The following CPM variants were observed in gnomAD, a reference collection of about 807,000 sequenced individuals.
CPM encodes the protein carboxypeptidase M.
CPM carries 35 observed loss-of-function variants against 46.4 expected under a neutral mutation model. The observed-to-expected ratio is 0.75, with a 90% CI of 0.58 to 1.00. CPM has a LOEUF of 1.00. CPM is among the 50% of genes least tolerant of loss of function. The probability of loss-of-function intolerance (pLI) is 0.00; values close to 1 mark genes in which losing one functional copy is unlikely to be tolerated. For synonymous variants in CPM, 195 were observed against 195.3 expected (o/e 1.00, Z 0.01); for missense variants, 422 against 530.4 (o/e 0.80, Z 2.01).
intron 1 of CPM, among the ~76,000 whole-genome samples, chr12:68,960,234 T>C (rs558094844): frequency 6.6e-6 from 1 of 152,368 alleles, no homozygotes; most frequent in South Asian, 2.1e-4. Flanking sequence ...CTCTTGATTC[T>C]TCTTTCTTCA....
rs1340397912 is a variant in CPM, at chr12:68,852,347, T to A, written c.*4090A>T. On this transcript the variant is annotated 3_prime_UTR_variant, in exon 9 of 9. Coordinates refer to ENST00000551568, the MANE Select transcript of CPM (RefSeq NM_198320.5). ...AGTAGGTATACTCTTTAAGAAGGTA[T>A]ATTATACTGCCTTCAAAATACTTAT... 1 of 152,190 alleles carries A rather than the reference T, an allele frequency of 6.6e-6. No individual in the cohort carries two copies. Among genetic ancestry groups the A allele is most frequent in the Non-Finnish European group, 1.5e-5 (1 of 68,040 alleles). 9.4% of individuals were successfully genotyped at this position (152,190 alleles called of 1,614,324 possible). A position where few individuals can be genotyped will look rare whatever the true frequency, so the allele number is the denominator to read the frequency against.
intron 2 of CPM, among the ~76,000 whole-genome samples, chr12:68,915,784 A>C (rs1403490619): frequency 1.3e-5 from 2 of 152,242 alleles, no homozygotes; most frequent in Non-Finnish European, 1.5e-5. Flanking sequence ...ATAAATCGCT[A>C]AAAGACACAT....
chr12:68,915,120 T>C (rs1887752881), intron 2 of CPM, among the ~76,000 whole-genome samples: 1 of 152,180 alleles, frequency 6.6e-6, no homozygotes, highest in Admixed American at 6.5e-5. Context: ...GGAAACATAG[T>C]TCCCATGGGG....
intron 7 of CPM, among the ~76,000 whole-genome samples, chr12:68,864,299 CG>C (rs1199010773): frequency 6.6e-6 from 1 of 152,016 alleles, no homozygotes; most frequent in African/African-American, 2.4e-5. Context: ...CAAAATTAGC[CG>C]GGCATGATGG....
intron 7 of CPM, among the ~76,000 whole-genome samples, chr12:68,864,330 C>A (rs1885338924): frequency 6.6e-6 from 1 of 152,108 alleles, no homozygotes; most frequent in South Asian, 2.1e-4. Context: ...GTAATTCCAG[C>A]AAATTGGGAG....
chr12:68,844,437 C>T, intron 5 of CPM: 1 of 228,274 alleles, frequency 4.4e-6, no homozygotes. Context: ...TCCCTGTCTT[C>T]TCTTAGGTCA....
intron 2 of CPM, among the ~76,000 whole-genome samples, chr12:68,892,920 A>T (rs1886715229): frequency 6.6e-6 from 1 of 152,054 alleles, no homozygotes; most frequent in Non-Finnish European, 1.5e-5. Context: ...CAACAATGAG[A>T]ACACATGGAC....
chr12:68,931,191 C>T (rs1888484138), intron 2 of CPM, among the ~76,000 whole-genome samples: 1 of 152,164 alleles, frequency 6.6e-6, no homozygotes, highest in South Asian at 2.1e-4. Context: ...TCGCATTGCA[C>T]ATAAATACAT....
intron 2 of CPM, among the ~76,000 whole-genome samples, chr12:68,915,997 G>C (rs1293669053): frequency 6.6e-6 from 1 of 152,202 alleles, no homozygotes; most frequent in Non-Finnish European, 1.5e-5. Context: ...ATCAGTAGTG[G>C]CATTGCTTTC....
At chr12:68,886,318 G>GAA (rs34578324) in intron 2 of CPM, among the ~76,000 whole-genome samples, 1 of 80,330 alleles carries the variant, frequency 1.2e-5, no homozygotes, top group East Asian at 3.2e-4. Flanking sequence ...TACAAGGAAA[G>GAA]AAAAAAAAAC....
At chr12:68,928,331 A>T (rs1206320939) in intron 2 of CPM, among the ~76,000 whole-genome samples, 1 of 152,242 alleles carries the variant, frequency 6.6e-6, no homozygotes, top group African/African-American at 2.4e-5. Flanking sequence ...TAGAAAGCTG[A>T]AACTGGATCC....
intron 2 of CPM, among the ~76,000 whole-genome samples, chr12:68,903,144 C>A (rs1887185125): frequency 6.6e-6 from 1 of 152,220 alleles, no homozygotes; most frequent in African/African-American, 2.4e-5. Flanking sequence ...AGTAGGCCTA[C>A]ATGCTCACAA....
At chr12:68,875,698 C>T (rs370015417) in intron 3 of CPM, among the ~76,000 whole-genome samples, 23 of 149,662 alleles carry the variant, frequency 1.5e-4, no homozygotes, top group South Asian at 8.5e-4. Context: ...CCCAGCTACT[C>T]GGGAGGCTGA....
rs186447431 is a variant in CPM at position 68,902,776 on chromosome 12, G to A, written c.161-16887C>T. ...AGCCTGGGCTTTGAACTGTGTTTTC[G>A]TTTGTTTTACTCTAAGGTTAATGTT... On this transcript the variant is annotated intron_variant, in intron 2 of 8. Transcript: ENST00000551568. 2.1e-3 allele frequency among the ~76,000 whole-genome samples: 326 copies of A among 152,242 alleles called. 11 individuals carry two copies. Among genetic ancestry groups the A allele is most frequent in the Admixed American group, 0.02 (299 of 15,294 alleles).
chr12:68,961,677 G>A (rs867008046), intron 1 of CPM, among the ~76,000 whole-genome samples: 6 of 152,056 alleles, frequency 3.9e-5, no homozygotes, highest in African/African-American at 9.7e-5. Flanking sequence ...ACTTTGGGAG[G>A]CAGAGGCAGG....
At chr12:68,909,133 C>T (rs1483515649) in intron 2 of CPM, among the ~76,000 whole-genome samples, 1 of 152,122 alleles carries the variant, frequency 6.6e-6, no homozygotes, top group Non-Finnish European at 1.5e-5. Flanking sequence ...GGACCATGGC[C>T]CTGGGTTCAA....
chr12:68,856,096 G>A lies in CPM; in HGVS notation c.*341C>T, dbSNP rs772460467. ...TCATCTTCATTGCTTATATTCATCCGGTTCTCTGTATACAAAATGATCTTC... is the reference window on the plus strand; with the variant it reads ...TCATCTTCATTGCTTATATTCATCCAGTTCTCTGTATACAAAATGATCTTC... On this transcript the variant is annotated 3_prime_UTR_variant, in exon 9 of 9. Coordinates refer to ENST00000551568, the MANE Select transcript of CPM (RefSeq NM_198320.5). The A allele has an allele frequency of 6.5e-5, 16 of 247,016 alleles. No individual in the cohort carries two copies. Among genetic ancestry groups the A allele is most frequent in the African/African-American group, 2.0e-4 (9 of 45,114 alleles). 15.3% of individuals were successfully genotyped at this position (247,016 alleles called of 1,614,324 possible).
chr12:68,954,104 A>G (rs981939967), intron 1 of CPM, among the ~76,000 whole-genome samples: 1 of 152,208 alleles, frequency 6.6e-6, no homozygotes, highest in Non-Finnish European at 1.5e-5. Flanking sequence ...GAGCTCCTTC[A>G]TGGCATTTCA....
intron 2 of CPM, among the ~76,000 whole-genome samples, chr12:68,928,427 G>C (rs941940420): frequency 3.3e-5 from 5 of 152,194 alleles, no homozygotes; most frequent in African/African-American, 1.2e-4. Flanking sequence ...ATAGAGAGGT[G>C]CTTGGGAAAT....
Sources: allele counts gnomAD v4.1 joint callset (sites outside exome capture counted in the v4.1 genomes callset), GRCh38; gene constraint gnomAD v4.1.1; transcripts MANE v1.5; gene names NCBI Gene and HGNC (gene_info 2026-07-23, HGNC 2026-07-21).